Variants in MED24 observed in about 807,000 individuals in gnomAD.
MED24 encodes mediator complex subunit 24, also known as mediator of RNA polymerase II transcription subunit 24.
In MED24, 74 loss-of-function variants were observed where a neutral mutation model predicts 118.8. The observed-to-expected ratio is 0.62, with a 90% CI of 0.52 to 0.76. The LOEUF (loss-of-function observed/expected upper bound fraction) is 0.76, where lower values mean the gene tolerates loss of function less well. MED24 is among the 30% of genes least tolerant of loss of function. MED24 has a pLI of 0.00. For missense variants in MED24, 1,041 were observed against 1,278.9 expected (o/e 0.81, Z 2.84); for synonymous variants, 521 against 523.9 (o/e 0.99, Z 0.08).
At chr17:40,035,938 G>T in intron 4 of MED24, 143 bp from the exon 5 acceptor site, 1 of 1,069,176 alleles carries the variant, frequency 9.4e-7, no homozygotes, top group Non-Finnish European at 1.4e-6. Flanking sequence ...ACTGGACATT[G>T]GCTCCCAAGC....
At position 40,020,274 on chromosome 17, in the gene MED24, C is replaced by A; in HGVS notation, c.2703G>T (p.Leu901=). Residue 901 remains leucine (L), a splice_region_variant and synonymous_variant, in exon 24 of 26, where the codon CTG becomes CTT. Transcript: ENST00000394128. ...VNMRDPLNRV[L]ANLFLLISSI... is the part of the protein sequence containing the mutation. The stretch of plus-strand genomic sequence containing the variant: ...CGGCAGCAGGGGTGGGGAACTCACC[C>A]AGGACTCGGTTCAGAGGGTCCCGCA... 6.5e-7 allele frequency: 1 copy of A among 1,534,690 alleles called. No homozygotes were observed. Among genetic ancestry groups the A allele is most frequent in the African/African-American group, 1.4e-5 (1 of 73,318 alleles).
chr17:40,036,127 C>T lies in MED24; in HGVS notation c.241G>A (p.Ala81Thr). ...GTCTATGGTCATACCTTACTGATGG[C>T]TGTGAGGACAGAAGAGTAGGACACC... ...QMVSYSSVLT[A>T]ISKFDDFSRD... The change falls in exon 4 of 26, where the codon GCC becomes ACC. Residue 81 changes from alanine to threonine, a missense_variant. Transcript: ENST00000394128. 6.2e-7 allele frequency: 1 copy of T among 1,612,618 alleles called. No homozygotes were observed. Among genetic ancestry groups the T allele is most frequent in the East Asian group, 2.2e-5 (1 of 44,890 alleles).
chr17:40,027,517 G>A lies in MED24; in HGVS notation c.1448-52C>T, dbSNP rs8071421. On this transcript the variant is annotated intron_variant, in intron 15 of 25. Coordinates refer to ENST00000394128, the MANE Select transcript of MED24 (RefSeq NM_014815.4). The stretch of plus-strand genomic sequence containing the variant: ...CCCAGACGAGGGCAGGGGGGAGCCC[G>A]TGTCTGGGTTGACAGGGATCGGGAT... 162 of 1,535,146 alleles carry A rather than the reference G, an allele frequency of 1.1e-4. No individual in the cohort carries two copies. In the African/African-American group the frequency reaches 2.0e-3, roughly 19 times the overall value.
intron 24 of MED24, 156 bp from the exon 25 acceptor site, chr17:40,020,089 G>A (rs1171660231): frequency 2.9e-6 from 3 of 1,036,734 alleles, no homozygotes; most frequent in African/African-American, 1.6e-5. Flanking sequence ...AAGGCAATTG[G>A]GGAGGGGAGG....
chr17:40,032,681 C>T lies in MED24; in HGVS notation c.904G>A (p.Glu302Lys). The T allele has an allele frequency of 6.2e-7, 1 of 1,613,836 alleles. No homozygotes were observed. Among genetic ancestry groups the T allele is most frequent in the Non-Finnish European group, 8.5e-7 (1 of 1,179,922 alleles). ...GLIESPEGTEELKWTAFTFLK... is the reference protein window; with the variant it reads ...GLIESPEGTEKLKWTAFTFLK... ...AAAGTGAAAGCTGTCCACTTGAGCT[C>T]CTCCGTACCCTCGGGAGACTCAATG... The change falls in exon 9 of 26, where the codon GAG becomes AAG. Residue 302 changes from glutamate to lysine, a missense_variant. This residue lies in a region of MED24 where 434 missense variants were observed against 514.9 expected (regional missense o/e 0.84). Coordinates refer to ENST00000394128, the MANE Select transcript of MED24 (RefSeq NM_014815.4).
chr17:40,035,383 T>A, intron 5 of MED24, 34 bp from the exon 6 acceptor site: 1 of 1,539,832 alleles, frequency 6.5e-7, no homozygotes, highest in Non-Finnish European at 8.8e-7. Flanking sequence ...GACTCTGTTC[T>A]TCCAATGGCT....
At chr17:40,036,725 C>T (rs1983985398) in intron 3 of MED24, among the ~76,000 whole-genome samples, 1 of 149,968 alleles carries the variant, frequency 6.7e-6, no homozygotes, top group Non-Finnish European at 1.5e-5. Flanking sequence ...TACTCACTGT[C>T]CTCAATAAGC....
At chr17:40,023,042 C>A in intron 20 of MED24, 89 bp downstream of exon 20, 1 of 1,518,184 alleles carries the variant, frequency 6.6e-7, no homozygotes, top group Non-Finnish European at 8.9e-7. Context: ...CTCACGGCAG[C>A]CTCTCAGGGA....
intron 3 of MED24, among the ~76,000 whole-genome samples, chr17:40,043,890 C>CAAA (rs35743512): frequency 1.0e-5 from 1 of 97,448 alleles, no homozygotes; most frequent in Non-Finnish European, 2.2e-5. Flanking sequence ...GACTCCATCT[C>CAAA]AAAAAAAAAA....
chr17:40,024,369 A>T (rs1489265230), intron 19 of MED24, among the ~76,000 whole-genome samples: 1 of 152,038 alleles, frequency 6.6e-6, no homozygotes, highest in Non-Finnish European at 1.5e-5. Flanking sequence ...CCCCATCTCT[A>T]CCAAAAATAC....
rs1598380699 is a variant in MED24 at position 40,053,750 on chromosome 17, G to A, written c.-37-115C>T. 3.0e-6 allele frequency: 4 copies of A among 1,339,620 alleles called. No individual in the cohort carries two copies. In the East Asian group the frequency reaches 9.5e-5, roughly 32 times the overall value. The allele number at this position is 1,339,620 out of a possible 1,614,324, so 83.0% of individuals were successfully genotyped here. On this transcript the variant is annotated intron_variant, in intron 1 of 25. Coordinates refer to ENST00000394128, the MANE Select transcript of MED24 (RefSeq NM_014815.4). ...GCGGGAAGATTTAAGCGAGACAGAG[G>A]AATTTGAAAGAAAAAGAGCTAAAGG...
chr17:40,052,932 T>G (rs1986002272), intron 3 of MED24, among the ~76,000 whole-genome samples: 1 of 151,910 alleles, frequency 6.6e-6, no homozygotes, highest in Non-Finnish European at 1.5e-5. Context: ...CCCCAAATTG[T>G]GTTTGTTTGT....
intron 3 of MED24, among the ~76,000 whole-genome samples, chr17:40,043,385 G>C (rs1445139487): frequency 6.6e-6 from 1 of 152,184 alleles, no homozygotes; most frequent in East Asian, 1.9e-4. Context: ...GGTTCAAGAG[G>C]CTGAAGGGAC....
At position 40,028,951 on chromosome 17, in the gene MED24, G is replaced by A. The variant is rs1411042371; in HGVS notation, c.1284C>T (p.His428=). The part of the protein sequence containing the change: ...TNILKTMDAD[H]SKSPEGLLGV... ...CCAGCAGTCCCTCCGGTGACTTAGAGTGGTCTGCATCCATCGTCTGGGGAC... is the reference window on the plus strand; with the variant it reads ...CCAGCAGTCCCTCCGGTGACTTAGAATGGTCTGCATCCATCGTCTGGGGAC... Residue 428 remains histidine, a synonymous_variant, in exon 14 of 26, where the codon CAC becomes CAT. Coordinates refer to ENST00000394128, the MANE Select transcript of MED24 (RefSeq NM_014815.4). 6.2e-7 allele frequency: 1 copy of A among 1,614,106 alleles called. No individual in the cohort carries two copies. Among genetic ancestry groups the A allele is most frequent in the Non-Finnish European group, 8.5e-7 (1 of 1,180,058 alleles).
At chr17:40,039,017 G>C (rs530303523) in intron 3 of MED24, among the ~76,000 whole-genome samples, 294 of 152,288 alleles carry the variant, frequency 1.9e-3, no homozygotes, top group African/African-American at 6.9e-3. Context: ...TGTCCCCATA[G>C]CGAGTGCTTG....
intron 24 of MED24, 124 bp downstream of exon 24, chr17:40,020,149 G>A: frequency 9.2e-7 from 1 of 1,083,768 alleles, no homozygotes; most frequent in Non-Finnish European, 1.3e-6. Flanking sequence ...ACAATGAGGG[G>A]CATGGAGAGG....
intron 3 of MED24, among the ~76,000 whole-genome samples, chr17:40,051,038 A>G (rs1273963387): frequency 6.6e-6 from 1 of 151,360 alleles, no homozygotes; most frequent in Non-Finnish European, 1.5e-5. Context: ...TGGGAGGCTA[A>G]GGCAGGAGAA....
intron 19 of MED24, among the ~76,000 whole-genome samples, chr17:40,024,962 C>G (rs1184318993): frequency 6.6e-6 from 1 of 152,158 alleles, no homozygotes; most frequent in Non-Finnish European, 1.5e-5. Flanking sequence ...CCTTAAACTC[C>G]TGACCTCAAG....
chr17:40,032,036 A>C lies in MED24; in HGVS notation c.984+7T>G, dbSNP rs1983447380. The C allele has an allele frequency of 2.5e-6, 4 of 1,613,002 alleles. No individual in the cohort carries two copies. In the South Asian group the frequency reaches 4.4e-5, roughly 18 times the overall value. On this transcript the variant is annotated splice_region_variant and intron_variant, in intron 10 of 25. Transcript: ENST00000394128. ...CTCCCATGCCTCCATCTCAATCCCC[A>C]ACTCACCTTGTCTCCATGAGAGTAC...
Sources: allele counts gnomAD v4.1 joint callset (sites outside exome capture counted in the v4.1 genomes callset), GRCh38; gene constraint gnomAD v4.1.1; regional missense constraint gnomAD v4.1.1; transcripts MANE v1.5; gene names NCBI Gene and HGNC (gene_info 2026-07-23, HGNC 2026-07-21).